Variants in CCDC102B observed in about 807,000 individuals in gnomAD.
The protein encoded by CCDC102B is coiled-coil domain-containing protein 102B.
CCDC102B carries 75 observed loss-of-function variants against 57.4 expected under a neutral mutation model. That is an observed-to-expected ratio of 1.31 (90% CI 1.08 to 1.58). CCDC102B has a LOEUF of 1.58. CCDC102B is among the 40% of genes most tolerant of loss of function. The pLI, the probability that CCDC102B is intolerant of heterozygous loss-of-function variation, is 0.00. For synonymous variants in CCDC102B, 206 were observed against 201.9 expected, an observed-to-expected ratio of 1.02 and a Z score of -0.17; for missense variants, 636 against 582.6, an observed-to-expected ratio of 1.09 and a Z score of -0.94.
At chr18:68,976,504 A>G (rs1486787040) in intron 6 of CCDC102B, among the ~76,000 whole-genome samples, 1 of 152,024 alleles carries the variant, frequency 6.6e-6, no homozygotes, top group Non-Finnish European at 1.5e-5. Context: ...TAGTTAGGTT[A>G]TCTTTGCACA....
rs888201393 is a variant in CCDC102B, at chr18:68,832,541, G to A, written c.-15-4208G>A. Among the ~76,000 whole-genome samples, 12 of 151,994 alleles carry A rather than the reference G, an allele frequency of 7.9e-5. 1 individual carries two copies. The highest frequency in any genetic ancestry group is 6.2e-4 in the South Asian group (3 of 4,824). On this transcript the variant is annotated intron_variant, in intron 1 of 7. Coordinates refer to ENST00000360242, the MANE Select transcript of CCDC102B (RefSeq NM_024781.3). ...GTTTTGTTTTAGGCTTTCAGCAGCC[G>A]GAAACCTTGGTTTTTAGCTTCTGTT...
At chr18:68,888,479 G>T (rs753853137) in intron 5 of CCDC102B, among the ~76,000 whole-genome samples, 3 of 152,048 alleles carry the variant, frequency 2.0e-5, no homozygotes, top group Non-Finnish European at 2.9e-5. Flanking sequence ...ATTTTCTCCC[G>T]CTATTGACAT....
chr18:68,846,434 A>T lies in CCDC102B; in HGVS notation c.936+13A>T. The T allele has an allele frequency of 6.8e-7, 1 of 1,474,120 alleles. No individual in the cohort carries two copies. The allele number at this position is 1,474,120 out of a possible 1,614,324, so 91.3% of individuals were successfully genotyped here. On this transcript the variant is annotated intron_variant, in intron 4 of 7. Transcript: ENST00000360242. Reference sequence around the variant, plus strand: ...AAATGTGAAAGAGGTATGGGGGAATATGATGTAAAGGAAGAAATGAAGCCT... The same window carrying T: ...AAATGTGAAAGAGGTATGGGGGAATTTGATGTAAAGGAAGAAATGAAGCCT...
chr18:68,865,850 A>G (rs900968450), intron 4 of CCDC102B, among the ~76,000 whole-genome samples: 22 of 152,234 alleles, frequency 1.4e-4, no homozygotes, highest in Admixed American at 5.9e-4. Context: ...ATAAATAATT[A>G]CAAATAAATT....
intron 6 of CCDC102B, among the ~76,000 whole-genome samples, chr18:68,994,785 A>G (rs547964374): frequency 1.3e-5 from 2 of 152,350 alleles, no homozygotes; most frequent in Non-Finnish European, 2.9e-5. Flanking sequence ...TAAATTACTC[A>G]GTCTCAGACA....
At chr18:68,732,214 G>A (rs190321175) in intron 2 of CCDC102B, among the ~76,000 whole-genome samples, 40 of 151,666 alleles carry the variant, frequency 2.6e-4, no homozygotes, top group Non-Finnish European at 3.5e-4. Flanking sequence ...TTCTTCTATC[G>A]CCCTGTGTAT....
chr18:68,913,344 G>GTGT (rs1555725389), intron 6 of CCDC102B, among the ~76,000 whole-genome samples: 1 of 150,210 alleles, frequency 6.7e-6, no homozygotes, highest in Non-Finnish European at 1.5e-5. Flanking sequence ...GTGTGTGTGT[G>GTGT]GTCCTACTTT....
Position 69,054,444 on chromosome 18 carries a change from G to A in CCDC102B, c.*307G>A. ...AAAATCTGAAAGAGTTATAATATCGGTAAGAAAAAGTAAGTTGAAAACCAT... is the reference window on the plus strand; with the variant it reads ...AAAATCTGAAAGAGTTATAATATCGATAAGAAAAAGTAAGTTGAAAACCAT... On this transcript the variant is annotated 3_prime_UTR_variant, in exon 8 of 8. Coordinates refer to ENST00000360242, the MANE Select transcript of CCDC102B (RefSeq NM_024781.3). The A allele has an allele frequency of 2.9e-6, 3 of 1,029,514 alleles. No individual in the cohort carries two copies. The South Asian group carries it at 1.2e-4, about 41-fold the overall frequency. The allele number at this position is 1,029,514 out of a possible 1,614,324, so 63.8% of individuals were successfully genotyped here. A position where few individuals can be genotyped will look rare whatever the true frequency, so the allele number is the denominator to read the frequency against.
At chr18:68,899,975 T>C (rs951059565) in intron 6 of CCDC102B, 1 of 152,204 alleles carries the variant, frequency 6.6e-6, no homozygotes, top group East Asian at 1.9e-4. Flanking sequence ...ATCATTCTTT[T>C]ACAACTTAAA....
Position 69,054,614 on chromosome 18 carries a change from G to T in CCDC102B, c.*477G>T. Reference sequence around the variant, plus strand: ...ATTAACAAAAATGAATCATTCTAGAGGTGTAACAATACATTTCTTATATAA... The same window carrying T: ...ATTAACAAAAATGAATCATTCTAGATGTGTAACAATACATTTCTTATATAA... On this transcript the variant is annotated 3_prime_UTR_variant, in exon 8 of 8. Coordinates refer to ENST00000360242, the MANE Select transcript of CCDC102B (RefSeq NM_024781.3). 3 of 981,670 alleles carry T rather than the reference G, an allele frequency of 3.1e-6. No individual in the cohort carries two copies. Among genetic ancestry groups the T allele is most frequent in the Non-Finnish European group, 3.6e-6 (3 of 826,602 alleles). The allele number at this position is 981,670 out of a possible 1,614,324, so 60.8% of individuals were successfully genotyped here.
At chr18:68,960,907 CTA>C (rs2050030463) in intron 6 of CCDC102B, among the ~76,000 whole-genome samples, 1 of 152,126 alleles carries the variant, frequency 6.6e-6, no homozygotes, top group Admixed American at 6.5e-5. Flanking sequence ...ACTGTCTTTC[CTA>C]TCTTGTTCAG....
chr18:68,880,303 A>C lies in CCDC102B; in HGVS notation c.1053+5518A>C, dbSNP rs374068409. Among the ~76,000 whole-genome samples, 59 of 152,286 alleles carry C rather than the reference A, an allele frequency of 3.9e-4. No homozygotes were observed. The South Asian group carries it at 0.012, about 31-fold the overall frequency. On this transcript the variant is annotated intron_variant, in intron 5 of 7. Coordinates refer to ENST00000360242, the MANE Select transcript of CCDC102B (RefSeq NM_024781.3). Reference sequence around the variant, plus strand: ...AGCTGCTCCGAGTGCGGGGCCCACCAAGCCCATGCCCACCCGGAACTCCAG... The same window carrying C: ...AGCTGCTCCGAGTGCGGGGCCCACCCAGCCCATGCCCACCCGGAACTCCAG...
intron 2 of CCDC102B, among the ~76,000 whole-genome samples, chr18:68,723,470 A>G (rs1025055879): frequency 1.3e-5 from 2 of 152,166 alleles, no homozygotes; most frequent in Non-Finnish European, 2.9e-5. Flanking sequence ...CAGCCTGCAA[A>G]ATCAAAAGCA....
chr18:69,016,074 A>G (rs953773891), intron 7 of CCDC102B, among the ~76,000 whole-genome samples: 2 of 148,846 alleles, frequency 1.3e-5, no homozygotes, highest in Admixed American at 1.3e-4. Flanking sequence ...CATGTTAGCC[A>G]GGATGGTCTC....
chr18:68,779,935 C>A (rs1568245882), intron 2 of CCDC102B, among the ~76,000 whole-genome samples: 1 of 152,106 alleles, frequency 6.6e-6, no homozygotes, highest in African/African-American at 2.4e-5. Flanking sequence ...CCACCATCAT[C>A]ACAATCAGTT....
downstream of CCDC102B, among the ~76,000 whole-genome samples, chr18:69,057,478 C>T (rs1384395468): frequency 3.9e-5 from 6 of 151,960 alleles, no homozygotes; most frequent in Admixed American, 3.9e-4. Context: ...CTGGGCCTCT[C>T]CCTTGTTCCA....
chr18:68,986,896 C>T lies in CCDC102B; in HGVS notation c.1264-24038C>T, dbSNP rs561938264. On this transcript the variant is annotated intron_variant, in intron 6 of 7. Coordinates refer to ENST00000360242, the MANE Select transcript of CCDC102B (RefSeq NM_024781.3). ...GGAAAGATCTCTATGAGGGGAACTA[C>T]AAAACACTGCTGAAAGAAATCAGAG... Among the ~76,000 whole-genome samples, 3 of 152,174 alleles carry T rather than the reference C, an allele frequency of 2.0e-5. No individual in the cohort carries two copies. The East Asian group carries it at 5.8e-4, about 29-fold the overall frequency.
chr18:68,794,622 A>G (rs2035568188), upstream of CCDC102B, among the ~76,000 whole-genome samples: 1 of 152,114 alleles, frequency 6.6e-6, no homozygotes. Context: ...TCAAGACATT[A>G]TAAACTTGCC....
chr18:68,808,215 G>C (rs542753708), intron 1 of CCDC102B, among the ~76,000 whole-genome samples: 1 of 152,002 alleles, frequency 6.6e-6, no homozygotes, highest in East Asian at 1.9e-4. Context: ...ATTATATTAA[G>C]ATGGAAAGAA....
Sources: allele counts gnomAD v4.1 joint callset (sites outside exome capture counted in the v4.1 genomes callset), GRCh38; gene constraint gnomAD v4.1.1; transcripts MANE v1.5; gene names NCBI Gene and HGNC (gene_info 2026-07-23, HGNC 2026-07-21).